PCDHA6: variants seen among roughly 807,000 people sequenced by gnomAD.
PCDHA6 encodes the protein protocadherin alpha 6, also known as protocadherin alpha-6.
In PCDHA6, 55 loss-of-function variants were observed where a neutral mutation model predicts 60.3. The observed-to-expected ratio is 0.91, with a 90% CI of 0.73 to 1.14. The LOEUF (loss-of-function observed/expected upper bound fraction) is 1.14. PCDHA6 is among the 50% of genes most tolerant of loss of function. PCDHA6 has a pLI of 0.00. For missense variants in PCDHA6, 1,327 were observed against 1,256.5 expected, an observed-to-expected ratio of 1.06 and a Z score of -0.85; for synonymous variants, 652 against 557.9, an observed-to-expected ratio of 1.17 and a Z score of -2.38.
intron 1 of PCDHA6, among the ~76,000 whole-genome samples, chr5:140,922,023 T>TA (rs530025575): frequency 3.9e-5 from 6 of 151,968 alleles, no homozygotes; most frequent in African/African-American, 1.4e-4. Flanking sequence ...AAAATAAATA[T>TA]AAAAAATGTA....
At chr5:140,996,947 T>C (rs1224598113) in intron 3 of PCDHA6, among the ~76,000 whole-genome samples, 2 of 152,176 alleles carry the variant, frequency 1.3e-5, no homozygotes, top group Non-Finnish European at 2.9e-5. Context: ...CATAGAAATA[T>C]TTATTTCCCT....
At chr5:140,917,354 G>T (rs148449289) in intron 1 of PCDHA6, among the ~76,000 whole-genome samples, 7 of 143,854 alleles carry the variant, frequency 4.9e-5, no homozygotes, top group African/African-American at 1.8e-4. Flanking sequence ...GTAGGCTTCT[G>T]TTCCACTATC....
At chr5:140,833,483 A>G (rs1195762911) in intron 1 of PCDHA6, among the ~76,000 whole-genome samples, 2 of 152,204 alleles carry the variant, frequency 1.3e-5, no homozygotes, top group Non-Finnish European at 2.9e-5. Flanking sequence ...AAATAATACA[A>G]ATCATATTTG....
intron 1 of PCDHA6, chr5:140,858,280 G>C (rs782403060): frequency 3.1e-6 from 5 of 1,597,578 alleles, no homozygotes; most frequent in Non-Finnish European, 4.3e-6. Context: ...GCGCGGTGGG[G>C]AGCTGGTCTT....
intron 1 of PCDHA6, among the ~76,000 whole-genome samples, chr5:140,891,366 T>C (rs1261887556): frequency 6.6e-6 from 1 of 152,168 alleles, no homozygotes; most frequent in Non-Finnish European, 1.5e-5. Flanking sequence ...CTGAGCAGTA[T>C]ACATTGCACC....
At chr5:140,994,704 C>CA (rs1294993555) in intron 3 of PCDHA6, among the ~76,000 whole-genome samples, 3 of 150,616 alleles carry the variant, frequency 2.0e-5, no homozygotes, top group African/African-American at 4.9e-5. Flanking sequence ...GACCCTGTCT[C>CA]AAAAAAAAAT....
chr5:140,848,258 T>G, intron 1 of PCDHA6: 1 of 479,224 alleles, frequency 2.1e-6, no homozygotes, highest in Non-Finnish European at 3.7e-6. Context: ...AACTGTGAAA[T>G]TTTTATTCAT....
At chr5:140,937,869 G>A (rs1268422806) in intron 1 of PCDHA6, among the ~76,000 whole-genome samples, 1 of 150,376 alleles carries the variant, frequency 6.6e-6, no homozygotes, top group African/African-American at 2.5e-5. Flanking sequence ...CCGAGATCGC[G>A]CCACTGCACT....
At chr5:140,971,987 G>A (rs1246433962) in intron 1 of PCDHA6, among the ~76,000 whole-genome samples, 1 of 152,086 alleles carries the variant, frequency 6.6e-6, no homozygotes, top group Non-Finnish European at 1.5e-5. Context: ...GTAGACAGAA[G>A]TTCCAATGTT....
intron 1 of PCDHA6, among the ~76,000 whole-genome samples, chr5:140,874,496 T>G (rs1352627184): frequency 3.9e-5 from 6 of 152,214 alleles, no homozygotes; most frequent in African/African-American, 1.4e-4. Context: ...TGATATCAAG[T>G]TCACATTCTC....
intron 1 of PCDHA6, among the ~76,000 whole-genome samples, chr5:140,945,853 A>G (rs782332952): frequency 6.6e-6 from 1 of 152,190 alleles, no homozygotes; most frequent in Non-Finnish European, 1.5e-5. Flanking sequence ...AAAGACTTAA[A>G]CATAGACCTG....
At position 140,828,644 on chromosome 5, in the gene PCDHA6, A is replaced by C; in HGVS notation, c.553A>C (p.Asn185His). The C allele has an allele frequency of 6.2e-7, 1 of 1,614,210 alleles. No homozygotes were observed. The highest frequency in any genetic ancestry group is 8.5e-7 in the Non-Finnish European group (1 of 1,180,042). Reference protein sequence around the residue: ...SEYFGLDVKINSDDNKQIGLL... With the variant: ...SEYFGLDVKIHSDDNKQIGLL... ...ATACTTCGGGCTAGATGTGAAAATAAACAGTGATGACAATAAACAAATTGG... is the reference window on the plus strand; with the variant it reads ...ATACTTCGGGCTAGATGTGAAAATACACAGTGATGACAATAAACAAATTGG... Residue 185 changes from asparagine (N) to histidine (H), a missense_variant, in exon 1 of 4, where the codon AAC becomes CAC. By Grantham distance (68) the Asn-to-His change is moderately conservative (BLOSUM62 1). Transcript: ENST00000529310.
intron 1 of PCDHA6, chr5:140,968,773 A>G (rs528972800): frequency 4.3e-6 from 7 of 1,614,206 alleles, no homozygotes; most frequent in Non-Finnish European, 5.1e-6. Flanking sequence ...GAGAGCCATC[A>G]CTATCAGCCT....
intron 1 of PCDHA6, among the ~76,000 whole-genome samples, chr5:140,972,728 A>T (rs189687890): frequency 6.8e-6 from 1 of 147,854 alleles, no homozygotes; most frequent in East Asian, 2.0e-4. Context: ...CAGTGGCGTA[A>T]TCCCGGCTCA....
At chr5:140,865,067 T>C (rs2048722686) in intron 1 of PCDHA6, 1 of 152,340 alleles carries the variant, frequency 6.6e-6, no homozygotes, top group South Asian at 2.1e-4. Context: ...ATAACTTAAG[T>C]ATAAGAACCA....
At chr5:140,995,946 C>A (rs2097705145) in intron 3 of PCDHA6, among the ~76,000 whole-genome samples, 1 of 152,192 alleles carries the variant, frequency 6.6e-6, no homozygotes, top group South Asian at 2.1e-4. Flanking sequence ...TGACATAATG[C>A]ACGCAAAATG....
intron 1 of PCDHA6, among the ~76,000 whole-genome samples, chr5:140,915,767 C>T (rs1554197085): frequency 6.6e-6 from 1 of 151,976 alleles, no homozygotes; most frequent in Non-Finnish European, 1.5e-5. Context: ...TGGGTCTTGT[C>T]CAAGGCCTGC....
intron 1 of PCDHA6, among the ~76,000 whole-genome samples, chr5:140,959,250 G>A (rs2095476529): frequency 6.6e-6 from 1 of 152,030 alleles, no homozygotes. Context: ...GATAGTGCAT[G>A]ACTGTAGTCC....
chr5:140,876,726 G>T, intron 1 of PCDHA6: 1 of 1,614,264 alleles, frequency 6.2e-7, no homozygotes, highest in African/African-American at 1.3e-5. Context: ...GCGAGAGCGT[G>T]TCGGCCTATG....
Sources: gnomAD v4.1 joint callset for allele counts (sites outside exome capture counted in the v4.1 genomes callset) on GRCh38, gnomAD v4.1.1 for gene constraint, MANE v1.5 for transcripts, NCBI Gene and HGNC (gene_info 2026-07-23, HGNC 2026-07-21) for gene names.